LRBA: variants seen among roughly 807,000 people sequenced by gnomAD.
LRBA encodes LPS responsive beige-like anchor protein, also known as lipopolysaccharide-responsive and beige-like anchor protein.
In LRBA, 176 loss-of-function variants were observed where a neutral mutation model predicts 330.0. The ratio of observed to expected loss-of-function variants is 0.53; its 90% CI spans 0.47 to 0.60. The LOEUF (loss-of-function observed/expected upper bound fraction) is 0.60. LRBA is among the 20% of genes least tolerant of loss of function. The pLI, the probability that LRBA is intolerant of heterozygous loss-of-function variation, is 0.00. For missense variants in LRBA, 3,259 were observed against 3,444.8 expected, an observed-to-expected ratio of 0.95 and a Z score of 1.35; for synonymous variants, 1,230 against 1,193.0, an observed-to-expected ratio of 1.03 and a Z score of -0.64.
intron 40 of LRBA, among the ~76,000 whole-genome samples, chr4:150,552,763 A>G (rs188502288): frequency 1.3e-3 from 192 of 152,220 alleles, no homozygotes; most frequent in African/African-American, 4.4e-3. Flanking sequence ...TCCATCAATG[A>G]TAGACTGGAT....
intron 37 of LRBA, among the ~76,000 whole-genome samples, chr4:150,634,251 T>G (rs1455767434): frequency 6.6e-6 from 1 of 152,252 alleles, no homozygotes; most frequent in Non-Finnish European, 1.5e-5. Flanking sequence ...TTCAGTTTTG[T>G]CATTCTTCAT....
chr4:150,861,280 T>TGC, intron 22 of LRBA, among the ~76,000 whole-genome samples: 1 of 149,772 alleles, frequency 6.7e-6, no homozygotes, highest in South Asian at 2.1e-4. Context: ...GGTGTGTGTG[T>TGC]GTGTGTGTGT....
intron 47 of LRBA, among the ~76,000 whole-genome samples, chr4:150,365,952 C>A (rs562807196): frequency 6.6e-6 from 1 of 152,056 alleles, no homozygotes; most frequent in Non-Finnish European, 1.5e-5. Flanking sequence ...CCGATTGGTT[C>A]TACGTTTCTG....
intron 40 of LRBA, among the ~76,000 whole-genome samples, chr4:150,523,491 A>T (rs1763140887): frequency 6.6e-6 from 1 of 152,106 alleles, no homozygotes; most frequent in African/African-American, 2.4e-5. Context: ...CACCAGAACT[A>T]TAATAAATTT....
intron 8 of LRBA, 133 bp downstream of exon 8, chr4:150,915,475 C>A (rs954558624): frequency 4.2e-6 from 3 of 721,126 alleles, no homozygotes; most frequent in Non-Finnish European, 6.5e-6. Flanking sequence ...AACATGCTAG[C>A]CAAATTATGT....
chr4:150,928,811 T>C (rs577142678), intron 3 of LRBA, 23 bp downstream of exon 3: 2 of 1,548,336 alleles, frequency 1.3e-6, no homozygotes, highest in Middle Eastern at 1.7e-4. Flanking sequence ...TTTGCATATA[T>C]TGTACTATAG....
At chr4:150,886,248 TTCAGGGCTGGA>T in intron 17 of LRBA, among the ~76,000 whole-genome samples, 1 of 152,174 alleles carries the variant, frequency 6.6e-6, no homozygotes, top group South Asian at 2.1e-4. Flanking sequence ...CTGCCCCTGT[TTCAGGGCTGGA>T]TGTCAGAAGC....
At chr4:150,605,738 A>G (rs528136623) in intron 37 of LRBA, among the ~76,000 whole-genome samples, 12 of 152,330 alleles carry the variant, frequency 7.9e-5, no homozygotes. Flanking sequence ...ATCATACAAT[A>G]TAAGAGAATG....
chr4:150,309,145 G>T (rs777807641), intron 52 of LRBA, among the ~76,000 whole-genome samples: 64 of 152,012 alleles, frequency 4.2e-4, no homozygotes, highest in Admixed American at 7.9e-4. Flanking sequence ...CAATGGAATG[G>T]TTTTTATCTC....
intron 2 of LRBA, among the ~76,000 whole-genome samples, chr4:151,005,489 G>A (rs888591702): frequency 2.8e-5 from 4 of 142,638 alleles, no homozygotes; most frequent in African/African-American, 1.1e-4. Context: ...CATTAGATGA[G>A]AGCTAATGAA....
At chr4:150,784,035 A>T (rs1738650980) in intron 34 of LRBA, among the ~76,000 whole-genome samples, 1 of 152,214 alleles carries the variant, frequency 6.6e-6, no homozygotes. Flanking sequence ...ATTCAGGAAT[A>T]AATTGGACCA....
chr4:150,565,264 G>A (rs1768979846), intron 40 of LRBA, among the ~76,000 whole-genome samples: 1 of 152,088 alleles, frequency 6.6e-6, no homozygotes, highest in Non-Finnish European at 1.5e-5. Flanking sequence ...AACACCACAT[G>A]TTCTCACTAA....
At chr4:150,510,949 G>A (rs13111354) in intron 40 of LRBA, among the ~76,000 whole-genome samples, 39,697 of 151,872 alleles carry the variant, frequency 0.26, 6,633 homozygotes, top group Non-Finnish European at 0.38. Flanking sequence ...TCCGCCTCCC[G>A]GGTTCAAGCG....
At position 150,920,043 on chromosome 4, in the gene LRBA, G is replaced by A. The variant is rs536979621; in HGVS notation, c.645+1155C>T. ...TCGACTGTAAGGAAAAACTGTAAAG[G>A]AAAAAATTGGGCAATAAAACTTTTC... On this transcript the variant is annotated intron_variant, in intron 5 of 56. Coordinates refer to ENST00000651943, the MANE Select transcript of LRBA (RefSeq NM_001364905.1). Among the ~76,000 whole-genome samples the A allele has an allele frequency of 1.5e-4, 20 of 135,934 alleles. No individual in the cohort carries two copies. In the East Asian group the frequency reaches 2.9e-3, roughly 20 times the overall value. The allele number at this position is 135,934 out of a possible 152,430, so 89.2% of individuals were successfully genotyped here.
chr4:150,751,441 T>C (rs1733537158), intron 35 of LRBA, among the ~76,000 whole-genome samples: 1 of 152,114 alleles, frequency 6.6e-6, no homozygotes, highest in Non-Finnish European at 1.5e-5. Context: ...AAATGATTTT[T>C]TTTTGCTATT....
intron 47 of LRBA, among the ~76,000 whole-genome samples, chr4:150,403,578 C>CT (rs1199601646): frequency 4.6e-5 from 7 of 151,930 alleles, no homozygotes; most frequent in Admixed American, 1.3e-4. Flanking sequence ...CCTTCCCCTT[C>CT]TTTTTTTTAA....
At position 150,853,318 on chromosome 4, in the gene LRBA, C is replaced by T. The variant is rs562459628; in HGVS notation, c.2767-375G>A. 4.6e-5 allele frequency among the ~76,000 whole-genome samples: 7 copies of T among 152,296 alleles called. No homozygotes were observed. The East Asian group carries it at 1.3e-3, about 29-fold the overall frequency. ...CACTGGATAACACTTGTTTCAACCG[C>T]TATGAATACCAATTTCCCCAGGACT... On this transcript the variant is annotated intron_variant, in intron 22 of 56. Transcript: ENST00000651943.
At chr4:150,554,223 A>G (rs896001967) in intron 40 of LRBA, among the ~76,000 whole-genome samples, 9 of 150,660 alleles carry the variant, frequency 6.0e-5, no homozygotes, top group Non-Finnish European at 1.2e-4. Context: ...TTTCATCCCC[A>G]TATCTGTAAC....
intron 40 of LRBA, among the ~76,000 whole-genome samples, chr4:150,512,503 G>C (rs1429274830): frequency 2.0e-5 from 3 of 152,056 alleles, no homozygotes; most frequent in Non-Finnish European, 2.9e-5. Context: ...ATTATAATAA[G>C]AGACTCCAGA....
Sources: allele counts gnomAD v4.1 joint callset (sites outside exome capture counted in the v4.1 genomes callset), GRCh38; gene constraint gnomAD v4.1.1; transcripts MANE v1.5; gene names NCBI Gene and HGNC (gene_info 2026-07-23, HGNC 2026-07-21).